Variants in TRMT9B observed in about 807,000 individuals in gnomAD.
TRMT9B encodes the protein tRNA methyltransferase 9B (putative), also known as probable tRNA methyltransferase 9B.
In TRMT9B, 16 loss-of-function variants were observed where a neutral mutation model predicts 11.5. The ratio of observed to expected loss-of-function variants is 1.39; its 90% CI spans 0.94 to 2.11. TRMT9B has a LOEUF of 2.11. TRMT9B is among the 30% of genes most tolerant of loss of function. The pLI is 0.00. For synonymous variants in TRMT9B, 274 were observed against 192.4 expected (o/e 1.42, Z -3.51); for missense variants, 941 against 553.8 (o/e 1.70, Z -7.02).
intron 1 of TRMT9B, among the ~76,000 whole-genome samples, chr8:12,971,910 T>G (rs546917882): frequency 1.8e-4 from 27 of 151,884 alleles, no homozygotes; most frequent in Admixed American, 1.5e-3. Context: ...ATAGCATCAG[T>G]GAACCAAAAA....
At chr8:13,006,958 C>T (rs1411629718) in intron 3 of TRMT9B, 3 of 154,220 alleles carry the variant, frequency 1.9e-5, no homozygotes, top group Admixed American at 6.4e-5. Context: ...CTTGAGCCAC[C>T]GTGCCTGGCC....
chr8:12,972,822 G>A (rs1347776214), intron 1 of TRMT9B, among the ~76,000 whole-genome samples: 1 of 151,598 alleles, frequency 6.6e-6, no homozygotes, highest in Non-Finnish European at 1.5e-5. Flanking sequence ...TTTTATTGTG[G>A]TAAAATATGC....
chr8:12,970,088 T>C (rs1803381120), intron 1 of TRMT9B: 1 of 152,244 alleles, frequency 6.6e-6, no homozygotes, highest in African/African-American at 2.4e-5. Flanking sequence ...GACCTCACTG[T>C]TGCTGAATAA....
intron 1 of TRMT9B, among the ~76,000 whole-genome samples, chr8:12,977,117 T>C (rs1351933095): frequency 2.6e-5 from 4 of 152,168 alleles, no homozygotes; most frequent in African/African-American, 9.7e-5. Flanking sequence ...CTCTATTGAA[T>C]CCCTCTCCAG....
At chr8:12,976,033 T>C (rs1440874010) in intron 1 of TRMT9B, among the ~76,000 whole-genome samples, 1 of 152,194 alleles carries the variant, frequency 6.6e-6, no homozygotes, top group African/African-American at 2.4e-5. Flanking sequence ...TGATCAGGAA[T>C]TTATTGAAAT....
chr8:12,956,101 C>G (rs948444826), intron 1 of TRMT9B, among the ~76,000 whole-genome samples: 3 of 152,196 alleles, frequency 2.0e-5, no homozygotes, highest in African/African-American at 7.2e-5. Flanking sequence ...ACTCATCTCC[C>G]TGCAAGAACA....
rs566461535 is a variant in TRMT9B, at chr8:12,972,454, A to G, written c.-199-18380A>G. 2.0e-5 allele frequency among the ~76,000 whole-genome samples: 3 copies of G among 152,232 alleles called. No individual in the cohort carries two copies. In the South Asian group the frequency reaches 6.2e-4, roughly 32 times the overall value. On this transcript the variant is annotated intron_variant, in intron 1 of 4. Transcript: ENST00000524591. ...CCTGGGAAAGTGAAAGAAACTGGAAACTAACCGACTCCTATTGGAAACAAA... is the reference window on the plus strand; with the variant it reads ...CCTGGGAAAGTGAAAGAAACTGGAAGCTAACCGACTCCTATTGGAAACAAA...
chr8:12,950,564 T>TCTTTCTTTC (rs1554505540), intron 1 of TRMT9B, among the ~76,000 whole-genome samples: 2 of 151,922 alleles, frequency 1.3e-5, no homozygotes, highest in African/African-American at 4.8e-5. Context: ...TTTCTTTCTT[T>TCTTTCTTTC]TTGAATGTGA....
At chr8:12,957,043 A>G (rs1271852138) in intron 1 of TRMT9B, among the ~76,000 whole-genome samples, 1 of 152,214 alleles carries the variant, frequency 6.6e-6, no homozygotes, top group Non-Finnish European at 1.5e-5. Context: ...GTGGATAACA[A>G]TAAGGTTATG....
chr8:13,009,965 A>G (rs1811286183), intron 3 of TRMT9B, among the ~76,000 whole-genome samples: 1 of 152,066 alleles, frequency 6.6e-6, no homozygotes, highest in Non-Finnish European at 1.5e-5. Flanking sequence ...CATCTCTACA[A>G]AAAATACAAC....
chr8:13,009,753 A>G (rs1253134754), intron 3 of TRMT9B, among the ~76,000 whole-genome samples: 2 of 152,248 alleles, frequency 1.3e-5, no homozygotes, highest in African/African-American at 4.8e-5. Flanking sequence ...ACCCAGTATT[A>G]AAACCTGCCT....
rs369612927 is a variant in TRMT9B, at chr8:13,021,862, G to A, written c.1183G>A (p.Val395Ile). 11 of 1,613,844 alleles carry A rather than the reference G, an allele frequency of 6.8e-6. No homozygotes were observed. Among genetic ancestry groups the A allele is most frequent in the Non-Finnish European group, 8.5e-6 (10 of 1,179,852 alleles). ...TDFNPDDTMSVEDPQTDVLDS... is the reference protein window; with the variant it reads ...TDFNPDDTMSIEDPQTDVLDS... ...TTTCAACCCAGATGATACAATGTCT[G>A]TCGAAGATCCACAGACTGATGTTTT... The change falls in exon 5 of 5, where the codon GTC (valine) becomes ATC (isoleucine). Residue 395 changes from valine to isoleucine, a missense_variant. By Grantham distance (29) the Val-to-Ile change is conservative. Transcript: ENST00000524591.
intron 1 of TRMT9B, among the ~76,000 whole-genome samples, chr8:12,981,483 G>A (rs1378366714): frequency 6.6e-6 from 1 of 152,200 alleles, no homozygotes; most frequent in Non-Finnish European, 1.5e-5. Flanking sequence ...TAGGACTTGA[G>A]TGTGACGGCA....
Position 13,026,238 on chromosome 8 carries a change from T to C in TRMT9B, c.*4194T>C, listed in dbSNP as rs1585463727. ...AGAAAATCTGAAATGAGAATAGCTGTGAACTTTTCTAAATATGCAACATTC... is the reference window on the plus strand; with the variant it reads ...AGAAAATCTGAAATGAGAATAGCTGCGAACTTTTCTAAATATGCAACATTC... On this transcript the variant is annotated 3_prime_UTR_variant, in exon 5 of 5. Transcript: ENST00000524591. 6.0e-6 allele frequency: 1 copy of C among 167,240 alleles called. No individual in the cohort carries two copies. The highest frequency in any genetic ancestry group is 2.4e-5 in the African/African-American group (1 of 41,586). 10.4% of individuals were successfully genotyped at this position (167,240 alleles called of 1,614,324 possible).
chr8:13,009,088 C>T (rs1811067908), intron 3 of TRMT9B, among the ~76,000 whole-genome samples: 2 of 152,018 alleles, frequency 1.3e-5, no homozygotes, highest in Admixed American at 1.3e-4. Context: ...GACCAGCATC[C>T]TGTCATTTGC....
chr8:13,010,738 G>A (rs1435002010), intron 3 of TRMT9B: 17 of 983,980 alleles, frequency 1.7e-5, no homozygotes, highest in Admixed American at 6.2e-5. Flanking sequence ...AGTATCCCTC[G>A]AGCCAATGAA....
At chr8:12,954,236 G>C (rs1335018585) in intron 1 of TRMT9B, among the ~76,000 whole-genome samples, 1 of 152,218 alleles carries the variant, frequency 6.6e-6, no homozygotes, top group African/African-American at 2.4e-5. Flanking sequence ...GGGTTGTAAA[G>C]AAGAGACCAG....
At chr8:12,977,048 G>A (rs929290282) in intron 1 of TRMT9B, among the ~76,000 whole-genome samples, 1 of 152,202 alleles carries the variant, frequency 6.6e-6, no homozygotes, top group African/African-American at 2.4e-5. Flanking sequence ...CTAGCAGATG[G>A]TGTTGCAAAT....
chr8:13,021,951 C>T lies in TRMT9B; in HGVS notation c.1272C>T (p.Leu424=), dbSNP rs778967825. 1.2e-6 allele frequency: 2 copies of T among 1,613,668 alleles called. No homozygotes were observed. Among genetic ancestry groups the T allele is most frequent in the Non-Finnish European group, 1.7e-6 (2 of 1,179,840 alleles). The change falls in exon 5 of 5, where the codon CTC becomes CTT. Residue 424 remains leucine, a synonymous_variant. Transcript: ENST00000524591. ...VFREGELCSL[L]KENVSELRIL... ...GAGAAGGGGAGCTCTGCAGTCTGCT[C>T]AAGGAGAATGTGTCAGAGCTCCGTA...
Sources: allele counts gnomAD v4.1 joint callset (sites outside exome capture counted in the v4.1 genomes callset), GRCh38; gene constraint gnomAD v4.1.1; transcripts MANE v1.5; gene names NCBI Gene and HGNC (gene_info 2026-07-23, HGNC 2026-07-21).